Variants in HERC2 observed in about 807,000 individuals in gnomAD.
HERC2 encodes HECT and RLD domain containing E3 ubiquitin protein ligase 2.
Under a neutral mutation model 537.7 loss-of-function variants are expected in HERC2, and 102 were observed. That is an observed-to-expected ratio of 0.19 (90% confidence interval 0.16 to 0.22). HERC2 has a LOEUF of 0.22. HERC2 is among the 10% of genes least tolerant of loss of function. The pLI, the probability that HERC2 is intolerant of heterozygous loss-of-function variation, is 1.00. For missense variants in HERC2, 4,236 were observed against 6,198.2 expected (o/e 0.68, Z 10.63); for synonymous variants, 2,224 against 2,466.2 (o/e 0.90, Z 2.91).
intron 9 of HERC2, among the ~76,000 whole-genome samples, chr15:28,271,270 G>A (rs1026932969): frequency 1.3e-5 from 2 of 152,160 alleles, no homozygotes; most frequent in African/African-American, 4.8e-5. Flanking sequence ...TAATCTAAAC[G>A]TTGCCCACTC....
At chr15:28,214,935 C>T (rs150280398) in intron 39 of HERC2, 133 bp from the exon 40 acceptor site, 30,599 of 690,464 alleles carry the variant, frequency 0.044, 1,035 homozygotes, top group Admixed American at 0.14. Flanking sequence ...TGCAGTGGCA[C>T]GGTCTCGGCT....
At chr15:28,238,380 A>G (rs1902682941) in intron 24 of HERC2, among the ~76,000 whole-genome samples, 163 bp from the exon 25 acceptor site, 1 of 152,246 alleles carries the variant, frequency 6.6e-6, no homozygotes, top group African/African-American at 2.4e-5. Context: ...GGGCCAACTC[A>G]GAACTTGAAA....
chr15:28,209,590 G>A (rs150617349), intron 44 of HERC2, among the ~76,000 whole-genome samples: 3,241 of 152,166 alleles, frequency 0.021, 83 homozygotes, highest in African/African-American at 0.065. Flanking sequence ...TGATCTGCCC[G>A]CCTTAGCCTC....
rs1274543387 is a variant in HERC2 at position 28,149,619 on chromosome 15, G to A, written c.10900+3058C>T. Among the ~76,000 whole-genome samples the A allele has an allele frequency of 2.7e-5, 4 of 145,650 alleles. No individual in the cohort carries two copies. The South Asian group carries it at 6.6e-4, about 24-fold the overall frequency. ...GCGGCTCCTAACCGAGAACATCACC[G>A]AGAACGGCTGCACGAACGTACATTC... On this transcript the variant is annotated intron_variant, in intron 70 of 92. Transcript: ENST00000261609.
In HERC2 at chr15:28,274,936, G is replaced by A. The variant is rs377405907; in HGVS notation, c.612C>T (p.Ala204=). The A allele has an allele frequency of 3.0e-5, 48 of 1,611,510 alleles. No individual in the cohort carries two copies. Among genetic ancestry groups the A allele is most frequent in the Non-Finnish European group, 3.8e-5 (45 of 1,179,970 alleles). ...GCCAGGCCCTGCGCAGGAAGGCAAA[G>A]GCAAAAGACAGCGCCGCTCGGGATC... ...RVGSRAALSF[A]FAFLRRAWRS... The change falls in exon 6 of 93, where the codon GCC becomes GCT. Residue 204 remains alanine, a synonymous_variant. Coordinates refer to ENST00000261609, the MANE Select transcript of HERC2 (RefSeq NM_004667.6).
At position 28,265,523 on chromosome 15, in the gene HERC2, C is replaced by T. The variant is rs781541245; in HGVS notation, c.1870+95G>A. On this transcript the variant is annotated intron_variant, in intron 14 of 92. Transcript: ENST00000261609. The surrounding 1 kb of genome is among the most constrained non-coding windows in gnomAD (Gnocchi z 4.0). The stretch of plus-strand genomic sequence containing the variant: ...ACCCACTGGGCGACAGGGTGGGTGG[C>T]CTCGTGAGGCCCACTGTACTCATCT... The T allele has an allele frequency of 3.1e-5, 31 of 995,578 alleles. No individual in the cohort carries two copies. Among genetic ancestry groups the T allele is most frequent in the Non-Finnish European group, 2.5e-5 (16 of 645,912 alleles). The allele number at this position is 995,578 out of a possible 1,614,324, so 61.7% of individuals were successfully genotyped here. A position where few individuals can be genotyped will look rare whatever the true frequency, so the allele number is the denominator to read the frequency against.
chr15:28,176,817 A>G lies in HERC2; in HGVS notation c.9433-49T>C, dbSNP rs770671523. The G allele has an allele frequency of 7.5e-6, 12 of 1,596,254 alleles. No homozygotes were observed. Among genetic ancestry groups the G allele is most frequent in the Non-Finnish European group, 1.0e-5 (12 of 1,166,182 alleles). ...CAGAATCACGCACAGGCACGGAGAA[A>G]GCAATGGATTTTCCCACAGATAAAG... On this transcript the variant is annotated intron_variant, in intron 61 of 92. Coordinates refer to ENST00000261609, the MANE Select transcript of HERC2 (RefSeq NM_004667.6). This position sits in a 1 kb window ranked among gnomAD's most constrained non-coding sequence, Gnocchi z 5.0.
rs553758973 is a variant in HERC2, at chr15:28,188,399, C to T, written c.8650-1647G>A. On this transcript the variant is annotated intron_variant, in intron 55 of 92. Transcript: ENST00000261609. Reference sequence around the variant, plus strand: ...ACTAAAAATACAAAAACAAAATTAGCCAGGCATGGTGGCAGGCGCCTATAG... The same window carrying T: ...ACTAAAAATACAAAAACAAAATTAGTCAGGCATGGTGGCAGGCGCCTATAG... Among the ~76,000 whole-genome samples, 7 of 152,142 alleles carry T rather than the reference C, an allele frequency of 4.6e-5. No homozygotes were observed. The South Asian group carries it at 1.5e-3, about 32-fold the overall frequency.
Position 28,268,512 on chromosome 15 carries a change from GTA to G in HERC2, c.1549_1550del (p.Tyr517LeufsTer22). On this transcript the variant is annotated frameshift_variant, in exon 12 of 93. Transcript: ENST00000261609. LOFTEE classifies it high-confidence loss of function. This position sits in a 1 kb window ranked among gnomAD's most constrained non-coding sequence, Gnocchi z 4.7. The part of the protein sequence containing the change: ...YLALAATGEV[Y>X]SWGCGDGGRL... The stretch of plus-strand genomic sequence containing the variant: ...GTCCGCCGTCCCCACAGCCCCAGGA[GTA>G]CACCTCTCCAGTAGCAGCCAAGGCT... 1 of 1,614,104 alleles carries G rather than the reference GTA, an allele frequency of 6.2e-7. No individual in the cohort carries two copies. Among genetic ancestry groups the G allele is most frequent in the Non-Finnish European group, 8.5e-7 (1 of 1,179,978 alleles).
rs79203714 is a variant in HERC2, at chr15:28,187,512, T to C, written c.8650-760A>G. ...ACACCCGGCTAATTTTTTGTATTTT[T>C]AGTAGAGACAAGGTTTCACCATGTT... On this transcript the variant is annotated intron_variant, in intron 55 of 92. Transcript: ENST00000261609. Among the ~76,000 whole-genome samples the C allele has an allele frequency of 5.5e-4, 84 of 152,182 alleles. No individual in the cohort carries two copies. In the East Asian group the frequency reaches 0.012, roughly 21 times the overall value.
intron 28 of HERC2, 35 bp downstream of exon 28, chr15:28,233,629 G>A (rs746048238): frequency 6.2e-6 from 10 of 1,613,694 alleles, no homozygotes; most frequent in East Asian, 4.5e-5. Context: ...GGAATCTGCA[G>A]TGTACCTAAA....
chr15:28,264,010 CT>C (rs1321857107), intron 14 of HERC2, among the ~76,000 whole-genome samples: 2 of 99,992 alleles, frequency 2.0e-5, no homozygotes, highest in African/African-American at 8.6e-5. Flanking sequence ...CAGAGCAAAA[CT>C]TTGTCTTACA....
chr15:28,317,211 C>T (rs1387264629), intron 2 of HERC2, among the ~76,000 whole-genome samples: 1 of 152,180 alleles, frequency 6.6e-6, no homozygotes, highest in Non-Finnish European at 1.5e-5. Flanking sequence ...CTGCCTCAAC[C>T]TCCCAAGTAG....
chr15:28,289,031 C>T (rs1274041534), intron 4 of HERC2, among the ~76,000 whole-genome samples: 1 of 151,852 alleles, frequency 6.6e-6, no homozygotes, highest in East Asian at 1.9e-4. Flanking sequence ...AGTCAGAGCA[C>T]TGCCCCGCAG....
intron 4 of HERC2, among the ~76,000 whole-genome samples, chr15:28,280,732 C>G (rs527811202): frequency 1.3e-5 from 2 of 152,130 alleles, no homozygotes; most frequent in Non-Finnish European, 2.9e-5. Context: ...TGGTGAAACC[C>G]CTTCTCTACT....
In HERC2 at chr15:28,246,904, G is replaced by A; in HGVS notation, c.3236-7C>T. The A allele has an allele frequency of 6.3e-7, 1 of 1,592,384 alleles. No individual in the cohort carries two copies. Among genetic ancestry groups the A allele is most frequent in the Non-Finnish European group, 8.5e-7 (1 of 1,173,950 alleles). ...ACACCCATTAGCTCTGGACCTTGAA[G>A]AAGGATTGAGAAATTTTCATTTTCA... On this transcript the variant is annotated splice_region_variant and splice_polypyrimidine_tract_variant and intron_variant, in intron 21 of 92. Coordinates refer to ENST00000261609, the MANE Select transcript of HERC2 (RefSeq NM_004667.6).
At chr15:28,140,816 C>G (rs1020280889) in intron 78 of HERC2, among the ~76,000 whole-genome samples, 1 of 151,670 alleles carries the variant, frequency 6.6e-6, no homozygotes, top group Non-Finnish European at 1.5e-5. Context: ...GCCACCGCAC[C>G]GGGTCAGCAG....
At position 28,163,165 on chromosome 15, in the gene HERC2, T is replaced by G. The variant is rs1026935777; in HGVS notation, c.10675A>C (p.Ser3559Arg). The change falls in exon 69 of 93, where the codon AGC becomes CGC. Residue 3559 changes from serine (S) to arginine (R), a missense_variant. This residue lies in a region of HERC2 where 356 missense variants were observed against 450.9 expected (regional missense o/e 0.79). Coordinates refer to ENST00000261609, the MANE Select transcript of HERC2 (RefSeq NM_004667.6). ...TCCCTGCCCCTGTCCCCGGCCCGGC[T>G]GCACACTGACAGCTTGAGCAGGTCT... ...VVDLLKLSVC[S>R]RAGDRGRDVL... 2 of 1,613,604 alleles carry G rather than the reference T, an allele frequency of 1.2e-6. No homozygotes were observed. Among genetic ancestry groups the G allele is most frequent in the Non-Finnish European group, 1.7e-6 (2 of 1,180,016 alleles).
intron 47 of HERC2, 46 bp from the exon 48 acceptor site, chr15:28,201,600 T>G: frequency 1.7e-6 from 2 of 1,162,410 alleles, no homozygotes; most frequent in South Asian, 2.5e-5. Flanking sequence ...GAGAACATGA[T>G]AAACCTACTC....
Sources: gnomAD v4.1 joint callset for allele counts (sites outside exome capture counted in the v4.1 genomes callset) on GRCh38, gnomAD v4.1.1 for gene constraint, gnomAD v4.1.1 regional missense constraint, Gnocchi (gnomAD v3.1) non-coding constraint, MANE v1.5 for transcripts, NCBI Gene and HGNC (gene_info 2026-07-23, HGNC 2026-07-21) for gene names.